LRMDA: variants seen among roughly 807,000 people sequenced by gnomAD.
LRMDA encodes the protein leucine rich melanocyte differentiation associated.
LRMDA carries 18 observed loss-of-function variants against 29.8 expected under a neutral mutation model. The observed-to-expected ratio is 0.60, with a 90% CI of 0.42 to 0.90. The LOEUF (loss-of-function observed/expected upper bound fraction) is 0.90, where lower values mean the gene tolerates loss of function less well. Ranked by LOEUF, LRMDA falls within the 40% of genes least tolerant of loss-of-function variation. The pLI, the probability that LRMDA is intolerant of heterozygous loss-of-function variation, is 0.00. For missense variants in LRMDA, 273 were observed against 273.9 expected, an observed-to-expected ratio of 1.00 and a Z score of 0.02; for synonymous variants, 125 against 109.4, an observed-to-expected ratio of 1.14 and a Z score of -0.89.
At chr10:75,873,458 G>T (rs1845146082) in intron 2 of LRMDA, among the ~76,000 whole-genome samples, 1 of 152,130 alleles carries the variant, frequency 6.6e-6, no homozygotes, top group African/African-American at 2.4e-5. Flanking sequence ...TATTTGAGAA[G>T]AATATAAGCC....
intron 5 of LRMDA, among the ~76,000 whole-genome samples, chr10:76,222,059 T>C (rs968313195): frequency 2.4e-4 from 36 of 152,194 alleles, no homozygotes; most frequent in African/African-American, 7.9e-4. Flanking sequence ...GAAAACTGGC[T>C]AGCCATATGT....
chr10:75,563,988 A>G (rs1840336357), intron 2 of LRMDA, among the ~76,000 whole-genome samples: 1 of 152,106 alleles, frequency 6.6e-6, no homozygotes, highest in Non-Finnish European at 1.5e-5. Context: ...GGGGTCAGGG[A>G]CCCACTTGAG....
chr10:76,266,942 A>G (rs1320854020), intron 5 of LRMDA, among the ~76,000 whole-genome samples: 1 of 152,178 alleles, frequency 6.6e-6, no homozygotes. Context: ...TATAGGCTAG[A>G]GTTTCCCAGG....
chr10:75,787,120 G>A (rs1448817029), intron 2 of LRMDA, among the ~76,000 whole-genome samples: 1 of 152,218 alleles, frequency 6.6e-6, no homozygotes. Context: ...CTATAGACTT[G>A]AGTGTCTCTA....
intron 2 of LRMDA, among the ~76,000 whole-genome samples, chr10:75,800,047 C>T (rs1293200920): frequency 1.3e-5 from 2 of 152,098 alleles, no homozygotes; most frequent in African/African-American, 4.8e-5. Flanking sequence ...ATTGATCTTT[C>T]TTCAAGTTGA....
At chr10:76,167,573 C>G (rs1040852105) in intron 5 of LRMDA, among the ~76,000 whole-genome samples, 1 of 152,006 alleles carries the variant, frequency 6.6e-6, no homozygotes, top group Non-Finnish European at 1.5e-5. Context: ...AGATATGTGG[C>G]CTTGTTTCTG....
chr10:76,289,947 G>A (rs898832167), intron 5 of LRMDA, among the ~76,000 whole-genome samples: 3 of 152,108 alleles, frequency 2.0e-5, no homozygotes, highest in African/African-American at 7.2e-5. Flanking sequence ...GAATTTTGAG[G>A]GGGAGCATTT....
At chr10:75,856,431 C>G (rs1194112529) in intron 2 of LRMDA, among the ~76,000 whole-genome samples, 1 of 152,170 alleles carries the variant, frequency 6.6e-6, no homozygotes, top group Non-Finnish European at 1.5e-5. Context: ...CAAAAATCCT[C>G]AATAAAATAC....
intron 6 of LRMDA, among the ~76,000 whole-genome samples, chr10:76,482,254 G>T (rs777664150): frequency 6.6e-6 from 1 of 151,846 alleles, no homozygotes; most frequent in African/African-American, 2.4e-5. Flanking sequence ...CAAATTTTAA[G>T]TGTGCAGTTC....
At chr10:75,892,817 A>C (rs936756298) in intron 2 of LRMDA, among the ~76,000 whole-genome samples, 1 of 152,102 alleles carries the variant, frequency 6.6e-6, no homozygotes, top group Non-Finnish European at 1.5e-5. Flanking sequence ...TAACCTTTAA[A>C]ACATTCCTCA....
chr10:76,082,877 A>G (rs1240558942), intron 5 of LRMDA, among the ~76,000 whole-genome samples: 1 of 152,194 alleles, frequency 6.6e-6, no homozygotes, highest in African/African-American at 2.4e-5. Flanking sequence ...GGAAGTTCGT[A>G]GGAGGATTTT....
intron 5 of LRMDA, among the ~76,000 whole-genome samples, chr10:76,290,065 A>G (rs543595052): frequency 6.6e-6 from 1 of 152,342 alleles, no homozygotes; most frequent in Non-Finnish European, 1.5e-5. Context: ...CTGTGTGCCT[A>G]GGTCCATATT....
chr10:75,873,336 T>C (rs1845143923), intron 2 of LRMDA, among the ~76,000 whole-genome samples: 1 of 152,230 alleles, frequency 6.6e-6, no homozygotes, highest in Non-Finnish European at 1.5e-5. Flanking sequence ...ACAGTACAAA[T>C]GAAAGCTTAA....
At chr10:76,198,858 A>G (rs1851377674) in intron 5 of LRMDA, among the ~76,000 whole-genome samples, 1 of 152,210 alleles carries the variant, frequency 6.6e-6, no homozygotes. Context: ...TTCGAGGATG[A>G]TGTAGCTTAA....
chr10:76,518,271 T>C (rs1277594189), intron 6 of LRMDA, among the ~76,000 whole-genome samples: 1 of 146,004 alleles, frequency 6.8e-6, no homozygotes, highest in Non-Finnish European at 1.5e-5. Context: ...CATCTATCCA[T>C]TTATCTATCA....
intron 6 of LRMDA, among the ~76,000 whole-genome samples, chr10:76,342,654 A>G (rs1487444585): frequency 1.3e-5 from 2 of 152,056 alleles, no homozygotes; most frequent in African/African-American, 2.4e-5. Flanking sequence ...TATACAAAAT[A>G]AAAAAATAAA....
rs116260037 is a variant in LRMDA, at chr10:75,700,380, A to G, written c.131+261886A>G. On this transcript the variant is annotated intron_variant, in intron 2 of 6. Coordinates refer to ENST00000611255, the MANE Select transcript of LRMDA (RefSeq NM_001305581.2). Reference sequence around the variant, plus strand: ...ATATATTATTTGGTGAGTGCAAAGAATTTTAGCATCATTAATAAATATAAT... The same window carrying G: ...ATATATTATTTGGTGAGTGCAAAGAGTTTTAGCATCATTAATAAATATAAT... Among the ~76,000 whole-genome samples the G allele has an allele frequency of 1.9e-3, 287 of 151,878 alleles. 2 individuals carry two copies. Among genetic ancestry groups the G allele is most frequent in the African/African-American group, 6.6e-3 (275 of 41,452 alleles).
chr10:76,484,063 T>C (rs1178044302), intron 6 of LRMDA, among the ~76,000 whole-genome samples: 1 of 151,886 alleles, frequency 6.6e-6, no homozygotes, highest in Non-Finnish European at 1.5e-5. Context: ...GTTTTCATTG[T>C]CATATGCTCT....
At chr10:76,117,410 TGA>T (rs1413515211) in intron 5 of LRMDA, among the ~76,000 whole-genome samples, 1 of 152,212 alleles carries the variant, frequency 6.6e-6, no homozygotes, top group Non-Finnish European at 1.5e-5. Flanking sequence ...CTACCTCACA[TGA>T]GGGTAAAGTA....
Sources: gnomAD v4.1 joint callset for allele counts (sites outside exome capture counted in the v4.1 genomes callset) on GRCh38, gnomAD v4.1.1 for gene constraint, MANE v1.5 for transcripts, NCBI Gene and HGNC (gene_info 2026-07-23, HGNC 2026-07-21) for gene names.